The following GDPD5 variants were observed in gnomAD, a reference collection of about 807,000 sequenced individuals.
GDPD5 encodes glycerophosphodiester phosphodiesterase 2.
GDPD5 carries 48 observed loss-of-function variants against 75.1 expected under a neutral mutation model. The ratio of observed to expected loss-of-function variants is 0.64; its 90% CI spans 0.51 to 0.81. GDPD5 has a LOEUF of 0.81. Among genes scored for constraint, GDPD5 ranks in the 40% least tolerant of loss-of-function variants. GDPD5 has a pLI of 0.00. For synonymous variants in GDPD5, 336 were observed against 339.0 expected (o/e 0.99, Z 0.10); for missense variants, 706 against 822.6 (o/e 0.86, Z 1.73).
intron 1 of GDPD5, among the ~76,000 whole-genome samples, chr11:75,496,450 G>A (rs1271852023): frequency 6.6e-6 from 1 of 152,262 alleles, no homozygotes; most frequent in Admixed American, 6.5e-5. Context: ...CCACTAGAAG[G>A]CAGGTCAACA....
At chr11:75,454,272 T>C (rs1211227009) in intron 6 of GDPD5, among the ~76,000 whole-genome samples, 2 of 152,190 alleles carry the variant, frequency 1.3e-5, no homozygotes, top group Non-Finnish European at 2.9e-5. Context: ...CGAATCTAAC[T>C]CACCCGAAGG....
intron 1 of GDPD5, among the ~76,000 whole-genome samples, chr11:75,521,048 TCTC>T (rs1260773946): frequency 6.6e-6 from 1 of 152,196 alleles, no homozygotes; most frequent in East Asian, 1.9e-4. Context: ...GGTGCTGTGG[TCTC>T]CTCCTCCTCC....
chr11:75,499,733 G>A (rs1950272131), intron 1 of GDPD5, among the ~76,000 whole-genome samples: 1 of 152,172 alleles, frequency 6.6e-6, no homozygotes. Flanking sequence ...TGAGAGCTGG[G>A]CCCAGAGATG....
chr11:75,448,976 C>T lies in GDPD5; in HGVS notation c.714+1G>A, dbSNP rs769243621. 1.9e-6 allele frequency: 3 copies of T among 1,568,138 alleles called. No homozygotes were observed. Among genetic ancestry groups the T allele is most frequent in the Non-Finnish European group, 2.6e-6 (3 of 1,166,196 alleles). ...TGTTAGGACCCTGAGGTGGCACTCA[C>T]CATGGGGGCCCCGCGGTGGCCAATG... On this transcript the variant is annotated splice_donor_variant, in intron 9 of 16. Transcript: ENST00000336898. LOFTEE classifies it high-confidence loss of function.
chr11:75,475,443 C>T (rs1178115269), intron 3 of GDPD5, among the ~76,000 whole-genome samples: 1 of 152,236 alleles, frequency 6.6e-6, no homozygotes, highest in Non-Finnish European at 1.5e-5. Context: ...TTCTGGAGCC[C>T]CTACCCTGCA....
At chr11:75,520,094 C>T (rs1231572506) in intron 1 of GDPD5, among the ~76,000 whole-genome samples, 2 of 152,236 alleles carry the variant, frequency 1.3e-5, no homozygotes, top group Admixed American at 1.3e-4. Context: ...CACCACTGTT[C>T]ACAGGGAAGG....
intron 1 of GDPD5, among the ~76,000 whole-genome samples, chr11:75,519,986 A>G (rs562473171): frequency 6.6e-6 from 1 of 152,344 alleles, no homozygotes; most frequent in Non-Finnish European, 1.5e-5. Flanking sequence ...TCTTCTGCGT[A>G]GGCCTGAGAA....
intron 1 of GDPD5, among the ~76,000 whole-genome samples, chr11:75,496,750 AT>A (rs1950215546): frequency 3.6e-5 from 4 of 110,310 alleles, no homozygotes; most frequent in Non-Finnish European, 5.9e-5. Context: ...GCTGCAGACT[AT>A]TTTTCTTTTT....
intron 1 of GDPD5, among the ~76,000 whole-genome samples, chr11:75,494,882 G>A: frequency 6.6e-6 from 1 of 151,938 alleles, no homozygotes; most frequent in Non-Finnish European, 1.5e-5. Context: ...AATCAGGCAG[G>A]CAGAGGTTGC....
intron 15 of GDPD5, chr11:75,438,992 T>C (rs1948704993): frequency 4.0e-6 from 1 of 247,708 alleles, no homozygotes; most frequent in Non-Finnish European, 8.2e-6. Flanking sequence ...TGAAGGCCCC[T>C]GTAAGTGCCA....
chr11:75,503,257 G>A (rs932144870), intron 1 of GDPD5, among the ~76,000 whole-genome samples: 1 of 152,202 alleles, frequency 6.6e-6, no homozygotes, highest in South Asian at 2.1e-4. Flanking sequence ...CTGACCTCAG[G>A]TGATCCGCCT....
chr11:75,463,427 T>A (rs534411723), intron 3 of GDPD5, among the ~76,000 whole-genome samples: 5 of 152,254 alleles, frequency 3.3e-5, no homozygotes, highest in Non-Finnish European at 7.4e-5. Flanking sequence ...CAGATACCCC[T>A]GTCTCCAGCC....
At chr11:75,443,446 T>C (rs1948890954) in intron 10 of GDPD5, among the ~76,000 whole-genome samples, 160 bp from the exon 11 acceptor site, 1 of 152,056 alleles carries the variant, frequency 6.6e-6, no homozygotes, top group Admixed American at 6.5e-5. Context: ...GGGAAGACAG[T>C]GGGCTGGTGG....
chr11:75,502,091 A>G (rs1456226520), intron 1 of GDPD5, among the ~76,000 whole-genome samples: 1 of 152,190 alleles, frequency 6.6e-6, no homozygotes, highest in Non-Finnish European at 1.5e-5. Flanking sequence ...AAACAGAAGG[A>G]CATCCTGGAA....
intron 1 of GDPD5, among the ~76,000 whole-genome samples, chr11:75,514,701 G>T (rs1359660685): frequency 1.3e-5 from 2 of 152,236 alleles, no homozygotes; most frequent in Non-Finnish European, 2.9e-5. Context: ...GACAGAGGAG[G>T]GGCTCAGTCT....
intron 6 of GDPD5, chr11:75,452,853 C>T (rs1016013488): frequency 1.3e-5 from 2 of 152,326 alleles, no homozygotes; most frequent in African/African-American, 4.8e-5. Flanking sequence ...CTCTCTGGGG[C>T]TCAGGTTGGG....
intron 1 of GDPD5, among the ~76,000 whole-genome samples, chr11:75,521,624 G>T (rs1309290120): frequency 2.6e-5 from 4 of 152,230 alleles, no homozygotes. Context: ...AAATGTTATG[G>T]ATAGTAGGTA....
chr11:75,497,577 C>G (rs2135440164), intron 1 of GDPD5, among the ~76,000 whole-genome samples: 1 of 152,310 alleles, frequency 6.6e-6, no homozygotes, highest in Admixed American at 6.5e-5. Context: ...TGCCCCAGGC[C>G]TCTGCAGTGG....
rs538413228 is a variant in GDPD5 at position 75,436,479 on chromosome 11, C to T, written c.1669+457G>A. 5.7e-5 allele frequency among the ~76,000 whole-genome samples: 8 copies of T among 139,284 alleles called. No individual in the cohort carries two copies. In the East Asian group the frequency reaches 1.3e-3, roughly 22 times the overall value. 91.4% of individuals were successfully genotyped at this position (139,284 alleles called of 152,430 possible). A position where few individuals can be genotyped will look rare whatever the true frequency, so the allele number is the denominator to read the frequency against. On this transcript the variant is annotated intron_variant, in intron 16 of 16. Coordinates refer to ENST00000336898, the MANE Select transcript of GDPD5 (RefSeq NM_030792.8). Reference sequence around the variant, plus strand: ...GCTCTGACCACGTCCTCCCGCCCCCCGCCCGGCACTCCCATCGCAGGAACT... The same window carrying T: ...GCTCTGACCACGTCCTCCCGCCCCCTGCCCGGCACTCCCATCGCAGGAACT...
Sources: gnomAD v4.1 joint callset for allele counts (sites outside exome capture counted in the v4.1 genomes callset) on GRCh38, gnomAD v4.1.1 for gene constraint, MANE v1.5 for transcripts, NCBI Gene and HGNC (gene_info 2026-07-23, HGNC 2026-07-21) for gene names.